The following NRP1 variants were observed in gnomAD, a reference collection of about 807,000 sequenced individuals.
NRP1 encodes the protein neuropilin 1.
NRP1 carries 35 observed loss-of-function variants against 106.7 expected under a neutral mutation model. The ratio of observed to expected loss-of-function variants is 0.33; its 90% CI spans 0.25 to 0.43. The LOEUF is 0.43. Among genes scored for constraint, NRP1 ranks in the 20% least tolerant of loss-of-function variants. The pLI is 1.00. For missense variants in NRP1, 1,024 were observed against 1,170.4 expected (o/e 0.87, Z 1.83); for synonymous variants, 437 against 417.9 (o/e 1.05, Z -0.56).
At chr10:33,255,725 TAC>T (rs1434258925) in intron 5 of NRP1, among the ~76,000 whole-genome samples, 4 of 152,168 alleles carry the variant, frequency 2.6e-5, no homozygotes, top group African/African-American at 7.2e-5. Context: ...GCACTGGGAT[TAC>T]AGAGTGAGCC....
At chr10:33,245,887 G>A (rs1841384034) in intron 6 of NRP1, among the ~76,000 whole-genome samples, 1 of 152,282 alleles carries the variant, frequency 6.6e-6, no homozygotes, top group South Asian at 2.1e-4. Context: ...AAGTAAAATG[G>A]AAAGTTGATG....
At chr10:33,265,268 TTA>T (rs1842847132) in intron 3 of NRP1, among the ~76,000 whole-genome samples, 1 of 152,248 alleles carries the variant, frequency 6.6e-6, no homozygotes, top group South Asian at 2.1e-4. Flanking sequence ...AGAGAAGTCT[TTA>T]TCCTTTTGAA....
At chr10:33,291,930 G>T (rs1488940559) in intron 2 of NRP1, among the ~76,000 whole-genome samples, 1 of 152,128 alleles carries the variant, frequency 6.6e-6, no homozygotes, top group Admixed American at 6.5e-5. Flanking sequence ...TTGAGGCAGG[G>T]CCTCAATCTG....
At chr10:33,326,872 T>C (rs531213901) in intron 2 of NRP1, among the ~76,000 whole-genome samples, 2 of 152,304 alleles carry the variant, frequency 1.3e-5, no homozygotes, top group African/African-American at 4.8e-5. Context: ...GCTATTCACA[T>C]GAGAAGTTGT....
chr10:33,257,466 G>A (rs1010888550), intron 4 of NRP1, among the ~76,000 whole-genome samples: 9 of 152,108 alleles, frequency 5.9e-5, no homozygotes, highest in East Asian at 3.9e-4. Flanking sequence ...GTGAAACCCC[G>A]TTTCTACTAA....
At chr10:33,195,141 G>T (rs569777601) in intron 12 of NRP1, among the ~76,000 whole-genome samples, 1 of 152,300 alleles carries the variant, frequency 6.6e-6, no homozygotes, top group African/African-American at 2.4e-5. Context: ...CCATATGTAT[G>T]CATAAGGATT....
intron 2 of NRP1, among the ~76,000 whole-genome samples, chr10:33,307,348 T>C (rs1158253812): frequency 6.6e-6 from 1 of 152,212 alleles, no homozygotes; most frequent in Non-Finnish European, 1.5e-5. Context: ...CTATTGTCTA[T>C]GGCTACTTTC....
Position 33,203,930 on chromosome 10 carries a change from C to T in NRP1, c.1760-935G>A, listed in dbSNP as rs1236779857. Reference sequence around the variant, plus strand: ...TAATTTTTTGTATTTTTAGTAGAGACGGGGTTTCACCTTGTTAGCCAGGAT... The same window carrying T: ...TAATTTTTTGTATTTTTAGTAGAGATGGGGTTTCACCTTGTTAGCCAGGAT... On this transcript the variant is annotated intron_variant, in intron 10 of 16. Coordinates refer to ENST00000374867, the MANE Select transcript of NRP1 (RefSeq NM_003873.7). Among the ~76,000 whole-genome samples the T allele has an allele frequency of 3.5e-5, 3 of 86,474 alleles. 1 individual carries two copies. The highest frequency in any genetic ancestry group is 8.1e-5 in the Non-Finnish European group (3 of 37,064). 56.7% of individuals were successfully genotyped at this position (86,474 alleles called of 152,430 possible). A position where few individuals can be genotyped will look rare whatever the true frequency, so the allele number is the denominator to read the frequency against.
At chr10:33,306,717 T>C (rs1284390415) in intron 2 of NRP1, among the ~76,000 whole-genome samples, 1 of 152,224 alleles carries the variant, frequency 6.6e-6, no homozygotes, top group East Asian at 1.9e-4. Flanking sequence ...GCCTAACATC[T>C]GGGAAAAATA....
chr10:33,258,648 C>T (rs531371447), intron 4 of NRP1, among the ~76,000 whole-genome samples: 1 of 152,298 alleles, frequency 6.6e-6, no homozygotes, highest in South Asian at 2.1e-4. Flanking sequence ...TTTTTTGTCT[C>T]TCTTCAGCTT....
chr10:33,216,074 G>T (rs1240962478), intron 8 of NRP1, among the ~76,000 whole-genome samples: 1 of 151,610 alleles, frequency 6.6e-6, no homozygotes, highest in Non-Finnish European at 1.5e-5. Flanking sequence ...TCTGCAACTG[G>T]ACACAGTTTT....
chr10:33,206,386 A>T (rs1220891543), intron 10 of NRP1: 1 of 511,030 alleles, frequency 2.0e-6, no homozygotes, highest in Non-Finnish European at 3.9e-6. Flanking sequence ...ACATGACTAC[A>T]GATATGGAAA....
intron 3 of NRP1, among the ~76,000 whole-genome samples, chr10:33,266,900 C>T (rs1211002368): frequency 1.4e-4 from 21 of 152,172 alleles, no homozygotes; most frequent in African/African-American, 3.1e-4. Context: ...GGCATAGTGG[C>T]GGGCGCCTGT....
intron 3 of NRP1, among the ~76,000 whole-genome samples, chr10:33,266,987 G>T (rs1439792917): frequency 6.6e-6 from 1 of 152,078 alleles, no homozygotes; most frequent in African/African-American, 2.4e-5. Flanking sequence ...AGCCAAGATC[G>T]TGCCACTGCA....
chr10:33,334,339 A>G lies in NRP1; in HGVS notation c.44T>C (p.Val15Ala), dbSNP rs374322029. The G allele has an allele frequency of 3.6e-5, 55 of 1,545,652 alleles. No individual in the cohort carries two copies. The African/African-American group carries it at 7.0e-4, about 20-fold the overall frequency. ...LPLLCAVLAL[V>A]LAPAGAFRND... is the part of the protein sequence containing the mutation. Reference sequence around the variant, plus strand: ...GCGAAAAGCGCCGGCCGGGGCGAGGACGAGGGCGAGCACGGCGCAGAGGAG... The same window carrying G: ...GCGAAAAGCGCCGGCCGGGGCGAGGGCGAGGGCGAGCACGGCGCAGAGGAG... Residue 15 changes from valine to alanine, a missense_variant, in exon 1 of 17, where the codon GTC becomes GCC. This residue lies in a region of NRP1 where 279 missense variants were observed against 327.4 expected (regional missense o/e 0.85). Coordinates refer to ENST00000374867, the MANE Select transcript of NRP1 (RefSeq NM_003873.7).
Position 33,263,726 on chromosome 10 carries a change from T to A in NRP1, c.578A>T (p.Asp193Val). The change falls in exon 4 of 17, where the codon GAC becomes GTC. Residue 193 changes from aspartate (D) to valine (V), a missense_variant. Asp to Val is a radical substitution (Grantham distance 152, BLOSUM62 -3). Transcript: ENST00000374867. Reference sequence around the variant, plus strand: ...TGGAGGATTTGAGTCAGGCTCCAGGTCAAAGCTTTCAAATTCCAGGATAAT... The same window carrying A: ...TGGAGGATTTGAGTCAGGCTCCAGGACAAAGCTTTCAAATTCCAGGATAAT... ...SEIILEFESF[D>V]LEPDSNPPGG... 1.2e-6 allele frequency: 2 copies of A among 1,614,128 alleles called. No individual in the cohort carries two copies. Among genetic ancestry groups the A allele is most frequent in the Non-Finnish European group, 1.7e-6 (2 of 1,179,990 alleles).
chr10:33,302,314 G>T (rs1341292678), intron 2 of NRP1, among the ~76,000 whole-genome samples: 1 of 152,138 alleles, frequency 6.6e-6, no homozygotes, highest in African/African-American at 2.4e-5. Flanking sequence ...CCTATGATAT[G>T]CAGTTTCCAT....
chr10:33,297,670 G>T lies in NRP1; in HGVS notation c.249-26814C>A, dbSNP rs183814171. 8.9e-4 allele frequency among the ~76,000 whole-genome samples: 123 copies of T among 138,320 alleles called. 1 individual carries two copies. Among genetic ancestry groups the T allele is most frequent in the Middle Eastern group, 8.8e-3 (2 of 226 alleles). The allele number at this position is 138,320 out of a possible 152,430, so 90.7% of individuals were successfully genotyped here. A position where few individuals can be genotyped will look rare whatever the true frequency, so the allele number is the denominator to read the frequency against. On this transcript the variant is annotated intron_variant, in intron 2 of 16. Coordinates refer to ENST00000374867, the MANE Select transcript of NRP1 (RefSeq NM_003873.7). Reference sequence around the variant, plus strand: ...CCACTGCACTCCAGTCTGGGAGACAGAGCGAGACTTTGTCTCAAAAAAAAA... The same window carrying T: ...CCACTGCACTCCAGTCTGGGAGACATAGCGAGACTTTGTCTCAAAAAAAAA...
intron 9 of NRP1, chr10:33,211,445 C>G (rs181753790): frequency 1.3e-5 from 2 of 152,204 alleles, no homozygotes; most frequent in African/African-American, 2.4e-5. Flanking sequence ...TTCTTCCCCC[C>G]AAACAAGGCA....
Sources: gnomAD v4.1 joint callset for allele counts (sites outside exome capture counted in the v4.1 genomes callset) on GRCh38, gnomAD v4.1.1 for gene constraint, gnomAD v4.1.1 regional missense constraint, MANE v1.5 for transcripts, NCBI Gene and HGNC (gene_info 2026-07-23, HGNC 2026-07-21) for gene names.